MACROD2: variants seen among roughly 807,000 people sequenced by gnomAD.
The protein encoded by MACROD2 is ADP-ribose glycohydrolase MACROD2.
A neutral mutation model predicts 70.4 loss-of-function variants in MACROD2; 36 were observed. The observed-to-expected ratio is 0.51, with a 90% CI of 0.39 to 0.68. The LOEUF is 0.68. MACROD2 is among the 30% of genes least tolerant of loss of function. MACROD2 has a pLI of 0.00. For synonymous variants in MACROD2, 172 were observed against 178.8 expected (o/e 0.96, Z 0.30); for missense variants, 496 against 538.4 (o/e 0.92, Z 0.78).
At chr20:15,215,837 C>T (rs1601241320) in intron 5 of MACROD2, among the ~76,000 whole-genome samples, 1 of 151,952 alleles carries the variant, frequency 6.6e-6, no homozygotes, top group East Asian at 1.9e-4. Context: ...TGAAAGAATG[C>T]ATGATGGAAA....
At position 15,176,576 on chromosome 20, in the gene MACROD2, C is replaced by A. The variant is rs892367164; in HGVS notation, c.419-53364C>A. Among the ~76,000 whole-genome samples, 3 of 152,122 alleles carry A rather than the reference C, an allele frequency of 2.0e-5. No individual in the cohort carries two copies. In the South Asian group the frequency reaches 6.2e-4, roughly 32 times the overall value. On this transcript the variant is annotated intron_variant, in intron 5 of 17. Transcript: ENST00000684519. The stretch of plus-strand genomic sequence containing the variant: ...GAGAGCTGGACACTCTTAGGGATGA[C>A]CTGCTTGTGGAAATGAGCTTCCCAC...
intron 6 of MACROD2, among the ~76,000 whole-genome samples, chr20:15,313,261 C>T (rs2077772795): frequency 6.6e-6 from 1 of 152,158 alleles, no homozygotes; most frequent in East Asian, 1.9e-4. Flanking sequence ...AATCCCAGCA[C>T]TTTGGGAGGC....
chr20:15,292,391 A>G (rs1224088203), intron 6 of MACROD2, among the ~76,000 whole-genome samples: 1 of 152,202 alleles, frequency 6.6e-6, no homozygotes, highest in Admixed American at 6.5e-5. Flanking sequence ...TATTTAGTAA[A>G]AAATTGTTGC....
chr20:14,393,477 T>C (rs2083549261), intron 3 of MACROD2, among the ~76,000 whole-genome samples: 1 of 152,174 alleles, frequency 6.6e-6, no homozygotes. Flanking sequence ...TCACATTTTC[T>C]TACCTTAGTT....
chr20:14,381,316 A>G (rs1270888664), intron 3 of MACROD2, among the ~76,000 whole-genome samples: 1 of 152,154 alleles, frequency 6.6e-6, no homozygotes, highest in African/African-American at 2.4e-5. Flanking sequence ...TTCCCTTATT[A>G]AAGTGAAGTG....
intron 6 of MACROD2, among the ~76,000 whole-genome samples, chr20:15,401,889 T>C (rs1009857001): frequency 6.6e-6 from 1 of 152,174 alleles, no homozygotes; most frequent in African/African-American, 2.4e-5. Flanking sequence ...GATCAACAAC[T>C]GAGGCTGGGC....
At chr20:14,435,456 G>A (rs1394205617) in intron 3 of MACROD2, among the ~76,000 whole-genome samples, 2 of 152,172 alleles carry the variant, frequency 1.3e-5, no homozygotes, top group East Asian at 1.9e-4. Context: ...CTGTGATAAC[G>A]ATCCCAGTGT....
chr20:15,211,085 T>G (rs2076759736), intron 5 of MACROD2, among the ~76,000 whole-genome samples: 1 of 152,160 alleles, frequency 6.6e-6, no homozygotes, highest in Non-Finnish European at 1.5e-5. Flanking sequence ...CTATACCCAT[T>G]AGTAGTCAGT....
intron 4 of MACROD2, among the ~76,000 whole-genome samples, chr20:14,614,995 G>A (rs1033949943): frequency 5.9e-5 from 9 of 152,228 alleles, no homozygotes; most frequent in African/African-American, 1.9e-4. Context: ...ACACCTCTGC[G>A]TGTGCTGGGG....
At chr20:14,218,422 T>C (rs1243738544) in intron 3 of MACROD2, among the ~76,000 whole-genome samples, 2 of 152,210 alleles carry the variant, frequency 1.3e-5, no homozygotes, top group South Asian at 2.1e-4. Context: ...GTGAGTCTCC[T>C]GAAGGAAGCA....
chr20:14,444,875 C>CAT (rs2084166627), intron 3 of MACROD2, among the ~76,000 whole-genome samples: 2 of 150,882 alleles, frequency 1.3e-5, no homozygotes, highest in South Asian at 2.1e-4. Flanking sequence ...GTTTGTGTTC[C>CAT]ATATATATAT....
chr20:14,094,968 AG>A (rs779205816), intron 3 of MACROD2, among the ~76,000 whole-genome samples: 4 of 152,228 alleles, frequency 2.6e-5, no homozygotes, highest in Non-Finnish European at 5.9e-5. Context: ...GCTTTGCACA[AG>A]CTGCTGCCTC....
At chr20:15,708,127 C>G (rs2050564661) in intron 8 of MACROD2, among the ~76,000 whole-genome samples, 1 of 151,984 alleles carries the variant, frequency 6.6e-6, no homozygotes, top group African/African-American at 2.4e-5. Flanking sequence ...TTATTTTACT[C>G]AGGCATTTAT....
At chr20:15,376,322 C>G (rs190725993) in intron 6 of MACROD2, among the ~76,000 whole-genome samples, 12 of 152,050 alleles carry the variant, frequency 7.9e-5, no homozygotes, top group African/African-American at 2.9e-4. Context: ...AGGTTGGATA[C>G]AGAGAGAACT....
intron 5 of MACROD2, among the ~76,000 whole-genome samples, chr20:14,777,131 C>T (rs946666221): frequency 6.6e-6 from 1 of 151,994 alleles, no homozygotes; most frequent in Non-Finnish European, 1.5e-5. Flanking sequence ...AATATTCTTG[C>T]ACATGTCTTT....
chr20:14,673,563 T>C (rs151322927), intron 4 of MACROD2, among the ~76,000 whole-genome samples: 2 of 152,302 alleles, frequency 1.3e-5, no homozygotes, highest in African/African-American at 2.4e-5. Flanking sequence ...TATCTGCCAC[T>C]TAGGTGGATG....
chr20:14,003,872 A>C (rs947391862), intron 2 of MACROD2, among the ~76,000 whole-genome samples: 14 of 152,168 alleles, frequency 9.2e-5, no homozygotes, highest in Non-Finnish European at 1.8e-4. Context: ...AGGAGAACAG[A>C]ATTCTGGTCC....
In MACROD2 at chr20:15,241,845, A is replaced by G. The variant is rs541807475; in HGVS notation, c.540+11784A>G. ...TGGGCTATTTGGCTACCCTAGGGAA[A>G]CAAGGACTCATAGAAATTGTGGTCA... is the stretch of plus-strand genomic sequence containing the variant. On this transcript the variant is annotated intron_variant, in intron 6 of 17. Coordinates refer to ENST00000684519, the MANE Select transcript of MACROD2 (RefSeq NM_001351661.2). Among the ~76,000 whole-genome samples, 4 of 152,270 alleles carry G rather than the reference A, an allele frequency of 2.6e-5. No individual in the cohort carries two copies. The East Asian group carries it at 7.7e-4, about 29-fold the overall frequency.
intron 3 of MACROD2, among the ~76,000 whole-genome samples, chr20:14,145,721 A>C (rs1241118747): frequency 2.6e-5 from 4 of 152,330 alleles, no homozygotes; most frequent in Non-Finnish European, 4.4e-5. Flanking sequence ...TACACACAAT[A>C]TTGCTATTCT....
Sources: gnomAD v4.1 joint callset for allele counts (sites outside exome capture counted in the v4.1 genomes callset) on GRCh38, gnomAD v4.1.1 for gene constraint, MANE v1.5 for transcripts, NCBI Gene and HGNC (gene_info 2026-07-23, HGNC 2026-07-21) for gene names.